Variants in BMP7 observed in about 807,000 individuals in gnomAD.
BMP7 encodes the protein osteogenic protein 1.
BMP7 carries 12 observed loss-of-function variants against 41.2 expected under a neutral mutation model. That is an observed-to-expected ratio of 0.29 (90% CI 0.19 to 0.47). The LOEUF (loss-of-function observed/expected upper bound fraction) is 0.47, where lower values mean the gene tolerates loss of function less well. Ranked by LOEUF, BMP7 falls within the 20% of genes least tolerant of loss-of-function variation. The pLI is 0.99. For synonymous variants in BMP7, 248 were observed against 250.0 expected, an observed-to-expected ratio of 0.99 and a Z score of 0.07; for missense variants, 467 against 606.0, an observed-to-expected ratio of 0.77 and a Z score of 2.41.
intron 2 of BMP7, among the ~76,000 whole-genome samples, chr20:57,222,549 G>C (rs746394295): frequency 1.3e-5 from 2 of 152,078 alleles, no homozygotes; most frequent in Non-Finnish European, 2.9e-5. Flanking sequence ...CTTCAGTCTC[G>C]GTTCTGGAGT....
chr20:57,257,062 A>G (rs923962324), intron 1 of BMP7, among the ~76,000 whole-genome samples: 14 of 152,184 alleles, frequency 9.2e-5, no homozygotes, highest in African/African-American at 3.1e-4. Context: ...TATTCGTAAC[A>G]TTCTGAGGAC....
rs539631151 is a variant in BMP7 at position 57,186,221 on chromosome 20, G to C, written c.761-2302C>G. Among the ~76,000 whole-genome samples the C allele has an allele frequency of 1.1e-4, 17 of 152,338 alleles. No individual in the cohort carries two copies. The South Asian group carries it at 3.5e-3, about 32-fold the overall frequency. On this transcript the variant is annotated intron_variant, in intron 3 of 6. Coordinates refer to ENST00000395863, the MANE Select transcript of BMP7 (RefSeq NM_001719.3). ...GCCTCTGTGTTCCACTGAGAGGTCA[G>C]GGGAATGCAACGGAGACTGTGCAGG...
At chr20:57,185,161 G>A (rs1984181329) in intron 3 of BMP7, among the ~76,000 whole-genome samples, 1 of 152,232 alleles carries the variant, frequency 6.6e-6, no homozygotes, top group South Asian at 2.1e-4. Flanking sequence ...TGGACCCAGG[G>A]CAGTGGGGAG....
chr20:57,183,102 G>C (rs1984122109), intron 4 of BMP7, among the ~76,000 whole-genome samples: 2 of 152,102 alleles, frequency 1.3e-5, no homozygotes, highest in African/African-American at 2.4e-5. Context: ...GGACACAGTG[G>C]TGCACACCTG....
At chr20:57,200,735 T>C (rs12480108) in intron 3 of BMP7, among the ~76,000 whole-genome samples, 62,412 of 151,962 alleles carry the variant, frequency 0.41, 14,758 homozygotes, top group South Asian at 0.56. Context: ...GCGGAGGTTA[T>C]AGTGAATCGA....
intron 2 of BMP7, among the ~76,000 whole-genome samples, chr20:57,226,485 C>T (rs1264654734): frequency 6.6e-6 from 1 of 152,224 alleles, no homozygotes; most frequent in Admixed American, 6.5e-5. Context: ...GCGGCACCAT[C>T]CATCATAGAA....
rs114646806 is a variant in BMP7, at chr20:57,230,624, G to C, written c.419-2203C>G. Among the ~76,000 whole-genome samples, 722 of 151,078 alleles carry C rather than the reference G, an allele frequency of 4.8e-3. 3 individuals are homozygous for C. The highest frequency in any genetic ancestry group is 0.017 in the African/African-American group (682 of 41,158). On this transcript the variant is annotated intron_variant, in intron 1 of 6. Coordinates refer to ENST00000395863, the MANE Select transcript of BMP7 (RefSeq NM_001719.3). Reference sequence around the variant, plus strand: ...GCCTGAACCACCATGCATCTCTGTGGCTGCGTGAACAGCTGAAGAGCTCAA... The same window carrying C: ...GCCTGAACCACCATGCATCTCTGTGCCTGCGTGAACAGCTGAAGAGCTCAA...
chr20:57,208,783 A>G (rs1385673104), intron 2 of BMP7, among the ~76,000 whole-genome samples: 2 of 152,260 alleles, frequency 1.3e-5, no homozygotes, highest in Non-Finnish European at 2.9e-5. Flanking sequence ...GCTACAACAC[A>G]GATGAATCTT....
intron 1 of BMP7, among the ~76,000 whole-genome samples, chr20:57,264,210 T>C (rs1327609219): frequency 6.6e-6 from 1 of 152,192 alleles, no homozygotes; most frequent in African/African-American, 2.4e-5. Context: ...AGGGACCTTA[T>C]CAGGAGGGGG....
At position 57,215,897 on chromosome 20, in the gene BMP7, AT is replaced by A. The variant is rs11475593; in HGVS notation, c.611+12331del. ...CGGGCTGGGTCATCTTTCCAACCTC[AT>A]TTTTTTTTTTTTTTAAGAGAACCAC... On this transcript the variant is annotated intron_variant, in intron 2 of 6. Coordinates refer to ENST00000395863, the MANE Select transcript of BMP7 (RefSeq NM_001719.3). The surrounding 1 kb of genome is among the most constrained non-coding windows in gnomAD (Gnocchi z 4.2). 0.42 allele frequency: 60,222 copies of A among 144,832 alleles called. 13,195 individuals carry two copies. Among genetic ancestry groups the A allele is most frequent in the Middle Eastern group, 0.54 (155 of 286 alleles). 9.0% of individuals were successfully genotyped at this position (144,832 alleles called of 1,614,324 possible). A position where few individuals can be genotyped will look rare whatever the true frequency, so the allele number is the denominator to read the frequency against.
In BMP7 at chr20:57,228,089, C is replaced by G; in HGVS notation, c.611+140G>C. On this transcript the variant is annotated intron_variant, in intron 2 of 6. Coordinates refer to ENST00000395863, the MANE Select transcript of BMP7 (RefSeq NM_001719.3). This position sits in a 1 kb window ranked among gnomAD's most constrained non-coding sequence, Gnocchi z 4.5. ...TTAAGGAAGTGACATACACCATACA[C>G]CTTCTTTAGAAGGGATAATCTGGTA... 1.0e-6 allele frequency: 1 copy of G among 976,916 alleles called. No homozygotes were observed. The highest frequency in any genetic ancestry group is 1.6e-6 in the Non-Finnish European group (1 of 613,370). The allele number at this position is 976,916 out of a possible 1,614,324, so 60.5% of individuals were successfully genotyped here.
At chr20:57,263,333 T>C (rs2066161126) in intron 1 of BMP7, among the ~76,000 whole-genome samples, 1 of 152,178 alleles carries the variant, frequency 6.6e-6, no homozygotes, top group Admixed American at 6.5e-5. Context: ...GAAAGGTGTA[T>C]GTACAGCCAG....
At chr20:57,207,974 C>T (rs535766910) in intron 2 of BMP7, among the ~76,000 whole-genome samples, 126 of 151,786 alleles carry the variant, frequency 8.3e-4, no homozygotes, top group African/African-American at 2.8e-3. Context: ...GGACTACAGG[C>T]GCCCGCCACC....
At chr20:57,188,132 C>T (rs1454018854) in intron 3 of BMP7, among the ~76,000 whole-genome samples, 1 of 152,116 alleles carries the variant, frequency 6.6e-6, no homozygotes, top group African/African-American at 2.4e-5. Context: ...CACGGGTTCA[C>T]ATGAAAAACT....
intron 4 of BMP7, among the ~76,000 whole-genome samples, chr20:57,181,024 G>A (rs559652127): frequency 6.6e-6 from 1 of 152,306 alleles, no homozygotes; most frequent in African/African-American, 2.4e-5. Flanking sequence ...GCTCCCCTTG[G>A]GTGCTTCCTG....
intron 2 of BMP7, among the ~76,000 whole-genome samples, chr20:57,202,932 A>G (rs191829544): frequency 9.8e-5 from 15 of 152,336 alleles, no homozygotes; most frequent in East Asian, 9.7e-4. Context: ...GGGATTATGC[A>G]GCCTCCGTGT....
At chr20:57,194,697 C>T (rs1984452622) in intron 3 of BMP7, among the ~76,000 whole-genome samples, 3 of 152,232 alleles carry the variant, frequency 2.0e-5, no homozygotes, top group Non-Finnish European at 2.9e-5. Context: ...GTGCTAAGCC[C>T]GTTCCATGCA....
At chr20:57,197,823 T>C (rs189381445) in intron 3 of BMP7, among the ~76,000 whole-genome samples, 1 of 152,132 alleles carries the variant, frequency 6.6e-6, no homozygotes, top group Admixed American at 6.5e-5. Context: ...CCCCAAGAAG[T>C]TGGAGTAGCT....
chr20:57,257,654 A>G (rs1199155755), intron 1 of BMP7, among the ~76,000 whole-genome samples: 1 of 152,202 alleles, frequency 6.6e-6, no homozygotes, highest in Non-Finnish European at 1.5e-5. Flanking sequence ...AAAAGCATTT[A>G]GAAGAGACTG....
Sources: gnomAD v4.1 joint callset for allele counts (sites outside exome capture counted in the v4.1 genomes callset) on GRCh38, gnomAD v4.1.1 for gene constraint, Gnocchi (gnomAD v3.1) non-coding constraint, MANE v1.5 for transcripts, NCBI Gene and HGNC (gene_info 2026-07-23, HGNC 2026-07-21) for gene names.